Variants in IL1RL1 observed in about 807,000 individuals in gnomAD.
IL1RL1 encodes the protein interleukin-1 receptor-like 1.
In IL1RL1, 32 loss-of-function variants were observed where a neutral mutation model predicts 50.9. The observed-to-expected ratio is 0.63, with a 90% CI of 0.47 to 0.84. The LOEUF (loss-of-function observed/expected upper bound fraction) is 0.84. Among genes scored for constraint, IL1RL1 ranks in the 40% least tolerant of loss-of-function variants. The probability of loss-of-function intolerance (pLI) is 0.00; values close to 1 mark genes in which losing one functional copy is unlikely to be tolerated. For missense variants in IL1RL1, 773 were observed against 662.9 expected (o/e 1.17, Z -1.82); for synonymous variants, 275 against 236.0 (o/e 1.17, Z -1.51).
Position 102,349,141 on chromosome 2 carries a change from G to C in IL1RL1, c.1180G>C (p.Ala394Pro), listed in dbSNP as rs751173080. ...GAACTACAAATCCAGTACAGATGGGGCCAGTCGTGTAGAGCACTTTGTTCA... is the reference window on the plus strand; with the variant it reads ...GAACTACAAATCCAGTACAGATGGGCCCAGTCGTGTAGAGCACTTTGTTCA... ...PRNYKSSTDG[A>P]SRVEHFVHQI... is the part of the protein sequence containing the mutation. The change falls in exon 10 of 11, where the codon GCC (alanine) becomes CCC (proline). Residue 394 changes from alanine to proline, a missense_variant. Transcript: ENST00000233954. 6 of 1,613,284 alleles carry C rather than the reference G, an allele frequency of 3.7e-6. No homozygotes were observed. Among genetic ancestry groups the C allele is most frequent in the African/African-American group, 1.3e-5 (1 of 75,022 alleles).
intron 5 of IL1RL1, chr2:102,341,196 C>G: frequency 9.2e-7 from 1 of 1,089,354 alleles, no homozygotes; most frequent in East Asian, 9.4e-5. Context: ...AGTTTGGTGT[C>G]AGAGTTTCTG....
chr2:102,327,463 A>G (rs1288699192), intron 1 of IL1RL1, among the ~76,000 whole-genome samples: 2 of 152,052 alleles, frequency 1.3e-5, no homozygotes, highest in African/African-American at 2.4e-5. Context: ...GCAAGAGCAA[A>G]CACATTCAAA....
At chr2:102,331,609 C>G (rs923753320) in intron 1 of IL1RL1, among the ~76,000 whole-genome samples, 1 of 152,296 alleles carries the variant, frequency 6.6e-6, no homozygotes, top group East Asian at 1.9e-4. Flanking sequence ...AAGGGTGACT[C>G]AGGTCTCATC....
At chr2:102,316,976 T>C (rs1676690981) in intron 1 of IL1RL1, among the ~76,000 whole-genome samples, 1 of 152,208 alleles carries the variant, frequency 6.6e-6, no homozygotes, top group Non-Finnish European at 1.5e-5. Context: ...ACATGTCTTC[T>C]GTTATTTTCC....
chr2:102,352,252 A>G (rs1248695519), downstream of IL1RL1, among the ~76,000 whole-genome samples: 1 of 149,930 alleles, frequency 6.7e-6, no homozygotes, highest in Non-Finnish European at 1.5e-5. Flanking sequence ...CTTGTCAATA[A>G]TCTGAATAGC....
intron 1 of IL1RL1, among the ~76,000 whole-genome samples, chr2:102,312,023 AT>A (rs1299224122): frequency 3.4e-5 from 2 of 59,102 alleles, no homozygotes; most frequent in Non-Finnish European, 6.1e-5. Context: ...TATATATAAT[AT>A]ATATTATATA....
intron 6 of IL1RL1, among the ~76,000 whole-genome samples, 187 bp from the exon 7 acceptor site, chr2:102,342,849 T>G (rs1677623312): frequency 6.6e-6 from 1 of 151,694 alleles, no homozygotes; most frequent in African/African-American, 2.4e-5. Context: ...GCTGGGTGAA[T>G]GAAGGTAATG....
intron 4 of IL1RL1, 70 bp from the exon 5 acceptor site, chr2:102,340,596 A>G (rs111626513): frequency 6.7e-7 from 1 of 1,501,380 alleles, no homozygotes; most frequent in South Asian, 1.2e-5. Context: ...TAGGCAACAA[A>G]CATTCTGTCA....
chr2:102,338,417 G>C, intron 2 of IL1RL1, 92 bp downstream of exon 2: 1 of 680,772 alleles, frequency 1.5e-6, no homozygotes, highest in Admixed American at 2.8e-5. Context: ...GCTTCCAGTT[G>C]TTCCAGTTGA....
intron 1 of IL1RL1, among the ~76,000 whole-genome samples, chr2:102,315,793 C>T (rs1272979462): frequency 6.6e-6 from 1 of 152,140 alleles, no homozygotes; most frequent in African/African-American, 2.4e-5. Flanking sequence ...AGCCCCTATG[C>T]AAAGTGAATA....
chr2:102,346,622 G>C (rs1014543452), intron 8 of IL1RL1, among the ~76,000 whole-genome samples: 1 of 152,200 alleles, frequency 6.6e-6, no homozygotes, highest in Admixed American at 6.5e-5. Context: ...ATTTTAGAGA[G>C]AGAGTGACCT....
chr2:102,348,156 T>C, intron 9 of IL1RL1, 65 bp downstream of exon 9: 1 of 1,291,814 alleles, frequency 7.7e-7, no homozygotes, highest in Non-Finnish European at 1.1e-6. Flanking sequence ...TGGTTACCTG[T>C]CTATTAATCT....
intron 8 of IL1RL1, 105 bp from the exon 9 acceptor site, chr2:102,347,840 T>C (rs890658400): frequency 1.5e-6 from 1 of 662,464 alleles, no homozygotes. Flanking sequence ...AGTGGGTATA[T>C]CTTATGTGAA....
intron 1 of IL1RL1, among the ~76,000 whole-genome samples, chr2:102,318,126 G>C (rs1676730699): frequency 6.6e-6 from 1 of 152,128 alleles, no homozygotes; most frequent in Admixed American, 6.5e-5. Context: ...GGTTTGAAGA[G>C]AGGAGTAATT....
chr2:102,330,534 T>C lies in IL1RL1; in HGVS notation c.-149-7582T>C, dbSNP rs144735877. 3.5e-4 allele frequency among the ~76,000 whole-genome samples: 53 copies of C among 152,340 alleles called. 1 individual carries two copies. Among genetic ancestry groups the C allele is most frequent in the African/African-American group, 1.2e-3 (51 of 41,576 alleles). On this transcript the variant is annotated intron_variant, in intron 1 of 10. Coordinates refer to ENST00000233954, the MANE Select transcript of IL1RL1 (RefSeq NM_016232.5). The stretch of plus-strand genomic sequence containing the variant: ...CTCATTGTGATTTTAATTGTTTACA[T>C]TTATCTAATAACTAGTAACTTTGTG...
At chr2:102,331,082 C>A (rs1015302590) in intron 1 of IL1RL1, among the ~76,000 whole-genome samples, 1 of 152,200 alleles carries the variant, frequency 6.6e-6, no homozygotes, top group Non-Finnish European at 1.5e-5. Flanking sequence ...TGGACTCTCT[C>A]TTCTTTGATC....
At position 102,351,634 on chromosome 2, in the gene IL1RL1, C is replaced by A. The variant is rs963570062; in HGVS notation, c.1384C>A (p.Gln462Lys). Residue 462 changes from glutamine to lysine, a missense_variant, in exon 11 of 11, where the codon CAG becomes AAG. Physicochemically the swap from Gln to Lys is moderately conservative, Grantham distance 53 (BLOSUM62 1). Coordinates refer to ENST00000233954, the MANE Select transcript of IL1RL1 (RefSeq NM_016232.5). ...ITHNKEFAYEQEVALHCALIQ... is the reference protein window; with the variant it reads ...ITHNKEFAYEKEVALHCALIQ... ...TCACAATAAGGAGTTTGCCTACGAG[C>A]AGGAGGTTGCCCTGCACTGTGCCCT... The A allele has an allele frequency of 6.2e-7, 1 of 1,614,106 alleles. No homozygotes were observed.
At chr2:102,338,093 G>C (rs572381355) in intron 1 of IL1RL1, 23 bp from the exon 2 acceptor site, 1 of 434,332 alleles carries the variant, frequency 2.3e-6, no homozygotes, top group South Asian at 6.0e-5. Context: ...TCTGTTTATG[G>C]TTTTGTCTAA....
chr2:102,312,791 G>T (rs905218941), intron 1 of IL1RL1: 1 of 152,100 alleles, frequency 6.6e-6, no homozygotes. Context: ...CTGCTTGGTG[G>T]CTCCATTCTT....
Sources: gnomAD v4.1 joint callset for allele counts (sites outside exome capture counted in the v4.1 genomes callset) on GRCh38, gnomAD v4.1.1 for gene constraint, MANE v1.5 for transcripts, NCBI Gene and HGNC (gene_info 2026-07-23, HGNC 2026-07-21) for gene names.